CABP5: variants seen among roughly 807,000 people sequenced by gnomAD.
CABP5 encodes calcium binding protein 5.
In CABP5, 17 loss-of-function variants were observed where a neutral mutation model predicts 21.9. That is an observed-to-expected ratio of 0.78 (90% CI 0.53 to 1.17). The LOEUF is 1.17. Ranked by LOEUF, CABP5 falls within the 50% of genes most tolerant of loss-of-function variation. The probability of loss-of-function intolerance (pLI) is 0.00; values close to 1 mark genes in which losing one functional copy is unlikely to be tolerated. For synonymous variants in CABP5, 85 were observed against 79.4 expected, an observed-to-expected ratio of 1.07 and a Z score of -0.37; for missense variants, 229 against 228.9, an observed-to-expected ratio of 1.00 and a Z score of 0.00.
rs370622082 is a variant in CABP5 at position 48,039,326 on chromosome 19, G to A, written c.239-9C>T. 1.5e-5 allele frequency: 24 copies of A among 1,607,584 alleles called. No homozygotes were observed. The highest frequency in any genetic ancestry group is 2.0e-5 in the Non-Finnish European group (23 of 1,174,186). On this transcript the variant is annotated splice_polypyrimidine_tract_variant and intron_variant, in intron 3 of 5. Coordinates refer to ENST00000293255, the MANE Select transcript of CABP5 (RefSeq NM_019855.5). ...GTCTACACGGCCACCCACTGAGGAA[G>A]ATGGCACAGGATTAGCGAGACCCCA...
chr19:48,034,169 C>T (rs1160109663), intron 5 of CABP5, 46 bp downstream of exon 5: 2 of 1,469,066 alleles, frequency 1.4e-6, no homozygotes, highest in Non-Finnish European at 1.8e-6. Context: ...GAAGTGGATT[C>T]CTGCGGTGGC....
rs1967318614 is a variant in CABP5 at position 48,029,930 on chromosome 19, A to AG, written c.*626_*627insC. On this transcript the variant is annotated 3_prime_UTR_variant, in exon 6 of 6. Coordinates refer to ENST00000293255, the MANE Select transcript of CABP5 (RefSeq NM_019855.5). ...CATTTCCAAGCCCAGCCTCAACAAC[A>AG]ACTCTGTTTCCAGCTCTGTGACTGA... is the stretch of plus-strand genomic sequence containing the variant. 6.6e-6 allele frequency: 1 copy of AG among 152,046 alleles called. No individual in the cohort carries two copies. The highest frequency in any genetic ancestry group is 1.5e-5 in the Non-Finnish European group (1 of 68,024). The allele number at this position is 152,046 out of a possible 1,614,324, so 9.4% of individuals were successfully genotyped here. A position where few individuals can be genotyped will look rare whatever the true frequency, so the allele number is the denominator to read the frequency against.
At chr19:48,040,983 A>C (rs79135781) in intron 2 of CABP5, among the ~76,000 whole-genome samples, 14,397 of 151,670 alleles carry the variant, frequency 0.095, 695 homozygotes, top group South Asian at 0.13. Context: ...TTGAGGCCAG[A>C]CTGACCAACA....
intron 4 of CABP5, among the ~76,000 whole-genome samples, chr19:48,036,687 TGGGC>T (rs1476272942): frequency 6.0e-5 from 9 of 151,232 alleles, no homozygotes; most frequent in South Asian, 2.1e-4. Context: ...CTAATAACTA[TGGGC>T]AAAAGACGTG....
intron 5 of CABP5, among the ~76,000 whole-genome samples, chr19:48,032,927 G>T (rs971012635): frequency 2.0e-5 from 3 of 151,922 alleles, no homozygotes; most frequent in South Asian, 2.1e-4. Context: ...CACTGAGCCC[G>T]GCCAGAATTT....
chr19:48,041,732 T>A (rs1219775076), intron 1 of CABP5, 129 bp from the exon 2 acceptor site: 5 of 761,166 alleles, frequency 6.6e-6, no homozygotes, highest in African/African-American at 1.8e-5. Context: ...TCCTCCTCCA[T>A]CCCTCCCATT....
intron 2 of CABP5, chr19:48,041,276 G>C (rs1256468472): frequency 3.3e-5 from 15 of 455,682 alleles, no homozygotes; most frequent in Non-Finnish European, 5.8e-5. Context: ...GAGAGCACTG[G>C]CGTCCTTCAG....
Position 48,041,555 on chromosome 19 carries a change from T to G in CABP5, c.94+18A>C, listed in dbSNP as rs1356536770. On this transcript the variant is annotated intron_variant, in intron 2 of 5. Transcript: ENST00000293255. ...GGGTGGATGGCAACGTGGAAGCAAC[T>G]GGGGAAGACGGTGTTACCTTCAATC... 2 of 1,611,880 alleles carry G rather than the reference T, an allele frequency of 1.2e-6. No homozygotes were observed. Among genetic ancestry groups the G allele is most frequent in the Non-Finnish European group, 1.7e-6 (2 of 1,179,296 alleles).
intron 2 of CABP5, 137 bp from the exon 3 acceptor site, chr19:48,040,885 A>G: frequency 2.3e-6 from 2 of 858,246 alleles, no homozygotes; most frequent in Non-Finnish European, 3.5e-6. Flanking sequence ...AAACAAAACA[A>G]AAAAACCAAG....
chr19:48,031,316 G>C (rs1199705830), intron 5 of CABP5, among the ~76,000 whole-genome samples: 1 of 152,120 alleles, frequency 6.6e-6, no homozygotes, highest in Non-Finnish European at 1.5e-5. Context: ...AGGGAGGGTG[G>C]ATCACTTGAG....
intron 4 of CABP5, 116 bp downstream of exon 4, chr19:48,039,092 G>A: frequency 1.4e-6 from 1 of 719,228 alleles, no homozygotes; most frequent in South Asian, 1.7e-5. Flanking sequence ...ACCATGGCTG[G>A]AAAAAAAAAG....
chr19:48,035,347 C>A (rs1212956486), intron 4 of CABP5, among the ~76,000 whole-genome samples: 1 of 152,236 alleles, frequency 6.6e-6, no homozygotes, highest in African/African-American at 2.4e-5. Flanking sequence ...CCTGTAATCC[C>A]AGCACTTTGG....
chr19:48,038,825 T>G (rs1967443654), intron 4 of CABP5, among the ~76,000 whole-genome samples: 3 of 150,750 alleles, frequency 2.0e-5, no homozygotes, highest in Admixed American at 6.6e-5. Flanking sequence ...AAACCCCGTC[T>G]CAAAAAAAAA....
chr19:48,040,578 G>C, intron 3 of CABP5, 27 bp downstream of exon 3: 1 of 1,612,446 alleles, frequency 6.2e-7, no homozygotes, highest in Non-Finnish European at 8.5e-7. Context: ...CCTAACCCCG[G>C]CCATCCCTCC....
At chr19:48,043,831 C>A in intron 1 of CABP5, 29 bp downstream of exon 1, 1 of 1,478,846 alleles carries the variant, frequency 6.8e-7, no homozygotes, top group Admixed American at 2.7e-5. Context: ...GCCCCGCCCA[C>A]CGCCCTTCCC....
intron 1 of CABP5, 23 bp downstream of exon 1, chr19:48,043,837 T>C: frequency 1.7e-6 from 2 of 1,149,802 alleles, no homozygotes; most frequent in East Asian, 3.8e-5. Context: ...CCCACCGCCC[T>C]TCCCCCTCAC....
At chr19:48,032,765 G>C (rs921333131) in intron 5 of CABP5, among the ~76,000 whole-genome samples, 16 of 151,868 alleles carry the variant, frequency 1.1e-4, no homozygotes, top group African/African-American at 3.9e-4. Flanking sequence ...GTATAGCCTG[G>C]GACTACAGGC....
chr19:48,033,229 A>G (rs373800599), intron 5 of CABP5, among the ~76,000 whole-genome samples: 21 of 151,392 alleles, frequency 1.4e-4, no homozygotes, highest in African/African-American at 5.1e-4. Flanking sequence ...GTCTCAAACT[A>G]CTAACCTCAG....
At chr19:48,032,259 A>G (rs1967348357) in intron 5 of CABP5, among the ~76,000 whole-genome samples, 1 of 152,136 alleles carries the variant, frequency 6.6e-6, no homozygotes, top group Non-Finnish European at 1.5e-5. Context: ...GAGAATAGCT[A>G]CAGAAGATAC....
Sources: allele counts gnomAD v4.1 joint callset (sites outside exome capture counted in the v4.1 genomes callset), GRCh38; gene constraint gnomAD v4.1.1; transcripts MANE v1.5; gene names NCBI Gene and HGNC (gene_info 2026-07-23, HGNC 2026-07-21).